GON4L: variants seen among roughly 807,000 people sequenced by gnomAD.
GON4L encodes the protein gon-4 like, also known as GON-4-like protein.
Under a neutral mutation model 211.8 loss-of-function variants are expected in GON4L, and 87 were observed. That is an observed-to-expected ratio of 0.41 (90% confidence interval 0.35 to 0.49). The LOEUF (loss-of-function observed/expected upper bound fraction) is 0.49. Ranked by LOEUF, GON4L falls within the 20% of genes least tolerant of loss-of-function variation. GON4L has a pLI of 0.15. For missense variants in GON4L, 2,155 were observed against 2,659.5 expected, an observed-to-expected ratio of 0.81 and a Z score of 4.17; for synonymous variants, 875 against 962.6, an observed-to-expected ratio of 0.91 and a Z score of 1.68.
chr1:155,749,398 A>G, downstream of GON4L: 3 of 1,607,468 alleles, frequency 1.9e-6, no homozygotes, highest in East Asian at 6.7e-5. Flanking sequence ...ATCTTGGCTC[A>G]GTATTTACAA....
chr1:155,772,502 C>T (rs963690220), intron 18 of GON4L, among the ~76,000 whole-genome samples: 1 of 151,144 alleles, frequency 6.6e-6, no homozygotes, highest in South Asian at 2.1e-4. Context: ...CCTGTAATCC[C>T]AGCACTTTGG....
intron 13 of GON4L, 66 bp from the exon 14 acceptor site, chr1:155,784,155 G>A: frequency 1.0e-5 from 16 of 1,588,732 alleles, no homozygotes; most frequent in Non-Finnish European, 4.3e-6. Flanking sequence ...CCAGTATTGG[G>A]AAGGAAGAGT....
At chr1:155,854,545 C>T (rs1672102713) in intron 1 of GON4L, among the ~76,000 whole-genome samples, 1 of 152,150 alleles carries the variant, frequency 6.6e-6, no homozygotes, top group African/African-American at 2.4e-5. Flanking sequence ...TCCCAAGTCA[C>T]CTTCTCTCCA....
chr1:155,821,203 T>C (rs1360276319), intron 5 of GON4L, among the ~76,000 whole-genome samples: 3 of 151,736 alleles, frequency 2.0e-5, no homozygotes, highest in Non-Finnish European at 4.4e-5. Context: ...GAGGCGGAGC[T>C]TGCAATGAGC....
chr1:155,778,870 CATG>C (rs760921636), intron 14 of GON4L, among the ~76,000 whole-genome samples: 22 of 152,244 alleles, frequency 1.4e-4, no homozygotes, highest in Non-Finnish European at 2.4e-4. Flanking sequence ...CTGAAACGGA[CATG>C]ATATCATACC....
intron 12 of GON4L, among the ~76,000 whole-genome samples, chr1:155,787,113 G>A (rs1213379042): frequency 6.6e-6 from 1 of 151,272 alleles, no homozygotes; most frequent in African/African-American, 2.4e-5. Flanking sequence ...TAGTAGAGAC[G>A]GGGTTTCACC....
At chr1:155,850,211 AT>A (rs1284432150) in intron 2 of GON4L, among the ~76,000 whole-genome samples, 9 of 152,150 alleles carry the variant, frequency 5.9e-5, no homozygotes, top group Non-Finnish European at 1.0e-4. Flanking sequence ...GCCTTGTTTT[AT>A]TTTTTATTTA....
intron 2 of GON4L, chr1:155,845,318 T>C (rs1452424641): frequency 5.2e-6 from 1 of 193,242 alleles, no homozygotes; most frequent in African/African-American, 2.4e-5. Context: ...ATTTGCATGC[T>C]AAAAGAAACT....
intron 27 of GON4L, chr1:155,756,713 TA>T: frequency 2.3e-6 from 1 of 431,162 alleles, no homozygotes; most frequent in Non-Finnish European, 4.3e-6. Flanking sequence ...TCACTTGAGG[TA>T]AGGAGTTCGA....
intron 2 of GON4L, among the ~76,000 whole-genome samples, chr1:155,849,266 C>T (rs1326693002): frequency 6.7e-6 from 1 of 149,532 alleles, no homozygotes. Context: ...ACCAGCAGGG[C>T]TGGGCACGGT....
At chr1:155,757,398 A>T in intron 25 of GON4L, 75 bp from the exon 26 acceptor site, 2 of 1,294,370 alleles carry the variant, frequency 1.5e-6, no homozygotes, top group South Asian at 2.6e-5. Flanking sequence ...AATCCCACAT[A>T]CTTCCATGTT....
At position 155,822,232 on chromosome 1, in the gene GON4L, G is replaced by A. The variant is rs530259118; in HGVS notation, c.888+54C>T. On this transcript the variant is annotated intron_variant, in intron 4 of 31. Transcript: ENST00000368331. ...AAGAATTTGCTGAACATTTTTATATGCTTTCCATGAAAAAGTTCCCTTCCA... is the reference window on the plus strand; with the variant it reads ...AAGAATTTGCTGAACATTTTTATATACTTTCCATGAAAAAGTTCCCTTCCA... The A allele has an allele frequency of 2.4e-4, 337 of 1,402,906 alleles. 2 individuals are homozygous for A. The South Asian group carries it at 3.7e-3, about 15-fold the overall frequency. 86.9% of individuals were successfully genotyped at this position (1,402,906 alleles called of 1,614,324 possible). A position where few individuals can be genotyped will look rare whatever the true frequency, so the allele number is the denominator to read the frequency against.
At chr1:155,812,694 T>C (rs1667901207) in intron 10 of GON4L, among the ~76,000 whole-genome samples, 1 of 152,056 alleles carries the variant, frequency 6.6e-6, no homozygotes, top group Non-Finnish European at 1.5e-5. Flanking sequence ...TAGCTGGGAT[T>C]ACAGGCATGC....
intron 18 of GON4L, among the ~76,000 whole-genome samples, chr1:155,772,313 A>C (rs1039412715): frequency 6.6e-6 from 1 of 152,178 alleles, no homozygotes; most frequent in Non-Finnish European, 1.5e-5. Context: ...GAATAATTCT[A>C]ATAAAACTAA....
At position 155,754,494 on chromosome 1, in the gene GON4L, A is replaced by C. The variant is rs1340603030; in HGVS notation, c.5518-6T>G. 8.0e-7 allele frequency: 1 copy of C among 1,247,646 alleles called. No homozygotes were observed. Among genetic ancestry groups the C allele is most frequent in the East Asian group, 2.4e-5 (1 of 41,020 alleles). 77.3% of individuals were successfully genotyped at this position (1,247,646 alleles called of 1,614,324 possible). ...CCATCTGGCCATTCAGTCTCCTAGG[A>C]GATACTTGGGCTTGATTAGCTGCCA... On this transcript the variant is annotated splice_polypyrimidine_tract_variant and splice_region_variant and intron_variant, in intron 27 of 31. Coordinates refer to ENST00000368331, the MANE Select transcript of GON4L (RefSeq NM_001282860.2).
rs536957103 is a variant in GON4L, at chr1:155,856,599, C to G, written c.-27+548G>C. ...CATTAGGGGAGATTCTCCATCCCCT[C>G]AATCAACTGATGTAATTAAAACTCA... On this transcript the variant is annotated intron_variant, in intron 1 of 31. Transcript: ENST00000368331. Among the ~76,000 whole-genome samples the G allele has an allele frequency of 4.6e-5, 7 of 151,078 alleles. No individual in the cohort carries two copies. In the South Asian group the frequency reaches 1.5e-3, roughly 31 times the overall value.
At chr1:155,824,998 T>A (rs573891678) in intron 3 of GON4L, among the ~76,000 whole-genome samples, 3 of 150,348 alleles carry the variant, frequency 2.0e-5, no homozygotes, top group Non-Finnish European at 4.4e-5. Context: ...ATAATAATAA[T>A]AAAATAAAAA....
chr1:155,783,251 A>G (rs1043162948), intron 14 of GON4L, among the ~76,000 whole-genome samples: 2 of 152,158 alleles, frequency 1.3e-5, no homozygotes, highest in Non-Finnish European at 2.9e-5. Context: ...AAAAATCTCT[A>G]AAGGTCTAGC....
intron 12 of GON4L, 138 bp from the exon 13 acceptor site, chr1:155,785,512 T>A (rs1218446974): frequency 2.8e-6 from 2 of 720,390 alleles, no homozygotes; most frequent in Non-Finnish European, 5.1e-6. Context: ...TTGAGATGGG[T>A]CTCACTATGT....
Sources: gnomAD v4.1 joint callset for allele counts (sites outside exome capture counted in the v4.1 genomes callset) on GRCh38, gnomAD v4.1.1 for gene constraint, MANE v1.5 for transcripts, NCBI Gene and HGNC (gene_info 2026-07-23, HGNC 2026-07-21) for gene names.